PCBP3: variants seen among roughly 807,000 people sequenced by gnomAD.
PCBP3 encodes poly(rC)-binding protein 3.
A neutral mutation model predicts 52.7 loss-of-function variants in PCBP3; 25 were observed. That is an observed-to-expected ratio of 0.47 (90% confidence interval 0.35 to 0.66). The LOEUF is 0.66. Ranked by LOEUF, PCBP3 falls within the 30% of genes least tolerant of loss-of-function variation. PCBP3 has a pLI of 0.01. For missense variants in PCBP3, 391 were observed against 490.3 expected (o/e 0.80, Z 1.91); for synonymous variants, 162 against 183.0 (o/e 0.89, Z 0.93).
intron 5 of PCBP3, among the ~76,000 whole-genome samples, chr21:45,865,691 A>G (rs4819159): frequency 0.78 from 118,318 of 152,064 alleles, 46,595 homozygotes; most frequent in East Asian, 1. Flanking sequence ...ATGGTCTTCC[A>G]CAAGGCCCTG....
intron 4 of PCBP3, among the ~76,000 whole-genome samples, chr21:45,809,664 G>A (rs980418214): frequency 1.3e-5 from 2 of 152,352 alleles, no homozygotes; most frequent in Non-Finnish European, 2.9e-5. Flanking sequence ...GCTGCTAAGT[G>A]CGGCAGATGC....
chr21:45,917,641 C>T lies in PCBP3; in HGVS notation c.717+12C>T, dbSNP rs766269734. 1.9e-6 allele frequency: 3 copies of T among 1,605,620 alleles called. No individual in the cohort carries two copies. Among genetic ancestry groups the T allele is most frequent in the Non-Finnish European group, 2.6e-6 (3 of 1,172,288 alleles). ...TCCCTCACCCGGATGTGAGTCTTCA[C>T]TTTGTCTTCCTCTCACCTTTCTCTT... On this transcript the variant is annotated intron_variant, in intron 13 of 17. Coordinates refer to ENST00000681687, the MANE Select transcript of PCBP3 (RefSeq NM_001384156.1). The surrounding 1 kb of genome is among the most constrained non-coding windows in gnomAD (Gnocchi z 5.3).
At chr21:45,674,976 T>C (rs1005539794) in intron 2 of PCBP3, among the ~76,000 whole-genome samples, 1 of 152,280 alleles carries the variant, frequency 6.6e-6, no homozygotes, top group Non-Finnish European at 1.5e-5. Context: ...TTTCTCTTGC[T>C]CTGGATGCCA....
chr21:45,723,083 T>C (rs569154535), intron 2 of PCBP3, among the ~76,000 whole-genome samples: 3 of 152,280 alleles, frequency 2.0e-5, no homozygotes, highest in Admixed American at 2.0e-4. Flanking sequence ...TCTACTGCTA[T>C]CATTGTTTCT....
intron 4 of PCBP3, among the ~76,000 whole-genome samples, chr21:45,838,852 A>G (rs550562000): frequency 2.0e-5 from 3 of 152,292 alleles, no homozygotes; most frequent in East Asian, 1.9e-4. Context: ...TATAGCTTCA[A>G]CTGAAATTCC....
At chr21:45,907,226 G>A (rs145981979) in intron 9 of PCBP3, among the ~76,000 whole-genome samples, 332 of 152,346 alleles carry the variant, frequency 2.2e-3, no homozygotes, top group Non-Finnish European at 3.9e-3. Flanking sequence ...GGTGAGGGGC[G>A]CCTAGCTCTC....
chr21:45,908,053 G>GA (rs2096251815), intron 9 of PCBP3, among the ~76,000 whole-genome samples: 2 of 152,178 alleles, frequency 1.3e-5, no homozygotes, highest in Non-Finnish European at 1.5e-5. Flanking sequence ...CATTGGGCCT[G>GA]AAAAAATCTT....
At chr21:45,678,185 C>CA (rs1298037678) in intron 2 of PCBP3, among the ~76,000 whole-genome samples, 2 of 151,272 alleles carry the variant, frequency 1.3e-5, no homozygotes, top group Non-Finnish European at 2.9e-5. Context: ...ACTAAAAATA[C>CA]AAAAAAATTA....
intron 4 of PCBP3, among the ~76,000 whole-genome samples, chr21:45,815,705 GAGT>G (rs1390009799): frequency 5.4e-5 from 5 of 93,204 alleles, no homozygotes; most frequent in African/African-American, 1.0e-4. Context: ...AGTGAGTGGT[GAGT>G]AGTGAGTGAT....
chr21:45,797,995 G>A (rs946466382), intron 4 of PCBP3, among the ~76,000 whole-genome samples: 3 of 141,510 alleles, frequency 2.1e-5, no homozygotes, highest in African/African-American at 8.1e-5. Context: ...ATGAACGCAT[G>A]GATCTGTAGA....
rs1236476828 is a variant in PCBP3, at chr21:45,644,021, C to T, written c.-279+153C>T. Reference sequence around the variant, plus strand: ...GCGGGGGTCCCGGGCTGGGTCGCGCCGTCCCCGACCGCCGCCGGCGCCTGC... The same window carrying T: ...GCGGGGGTCCCGGGCTGGGTCGCGCTGTCCCCGACCGCCGCCGGCGCCTGC... On this transcript the variant is annotated intron_variant, in intron 1 of 17. Coordinates refer to ENST00000681687, the MANE Select transcript of PCBP3 (RefSeq NM_001384156.1). 4.0e-5 allele frequency among the ~76,000 whole-genome samples: 6 copies of T among 149,388 alleles called. No homozygotes were observed. The South Asian group carries it at 1.0e-3, about 26-fold the overall frequency.
rs1191620297 is a variant in PCBP3, at chr21:45,817,946, T to C, written c.-125-32015T>C. On this transcript the variant is annotated intron_variant, in intron 4 of 17. Transcript: ENST00000681687. This position sits in a 1 kb window ranked among gnomAD's most constrained non-coding sequence, Gnocchi z 4.3. ...GGAAAGTATAGAGCGTGCCACCTCCTCCCCTCATACAGAGCTTCTCCTGTT... is the reference window on the plus strand; with the variant it reads ...GGAAAGTATAGAGCGTGCCACCTCCCCCCCTCATACAGAGCTTCTCCTGTT... Among the ~76,000 whole-genome samples, 2 of 152,118 alleles carry C rather than the reference T, an allele frequency of 1.3e-5. No individual in the cohort carries two copies. Among genetic ancestry groups the C allele is most frequent in the Non-Finnish European group, 2.9e-5 (2 of 68,012 alleles).
Position 45,741,599 on chromosome 21 carries a change from G to A in PCBP3, c.-162+6170G>A, listed in dbSNP as rs1312295690. 6.6e-6 allele frequency among the ~76,000 whole-genome samples: 1 copy of A among 152,070 alleles called. No homozygotes were observed. The highest frequency in any genetic ancestry group is 1.5e-5 in the Non-Finnish European group (1 of 68,014). On this transcript the variant is annotated intron_variant, in intron 3 of 17. Coordinates refer to ENST00000681687, the MANE Select transcript of PCBP3 (RefSeq NM_001384156.1). The surrounding 1 kb of genome is among the most constrained non-coding windows in gnomAD (Gnocchi z 4.5). Reference sequence around the variant, plus strand: ...ATGTAGGGGGCAAGGGAGGGGTAGGGCCACTGCTTTTCATAAGCTTTATCG... The same window carrying A: ...ATGTAGGGGGCAAGGGAGGGGTAGGACCACTGCTTTTCATAAGCTTTATCG...
intron 13 of PCBP3, among the ~76,000 whole-genome samples, chr21:45,927,288 TCCC>T: frequency 1.3e-5 from 1 of 79,790 alleles, no homozygotes; most frequent in South Asian, 4.6e-4. Context: ...TCCCTCCCTC[TCCC>T]CCTCCTCCCT....
chr21:45,839,722 T>C (rs989362586), intron 4 of PCBP3, among the ~76,000 whole-genome samples: 15 of 152,296 alleles, frequency 9.8e-5, no homozygotes, highest in Middle Eastern at 3.4e-3. Context: ...TCTCTCACTT[T>C]GTTGCCCAGG....
At chr21:45,896,088 G>T in intron 5 of PCBP3, 120 bp from the exon 6 acceptor site, 6 of 886,778 alleles carry the variant, frequency 6.8e-6, no homozygotes, top group Non-Finnish European at 1.1e-5. Flanking sequence ...GCACATGGTG[G>T]GTGGGCAACC....
Position 45,656,142 on chromosome 21 carries a change from G to A in PCBP3, c.-279+12274G>A, listed in dbSNP as rs1436688819. The stretch of plus-strand genomic sequence containing the variant: ...ATTTGACCCAGCAATCCCATTACTG[G>A]GTATATACCCAAAGGATTATAAATC... On this transcript the variant is annotated intron_variant, in intron 1 of 17. Coordinates refer to ENST00000681687, the MANE Select transcript of PCBP3 (RefSeq NM_001384156.1). This position sits in a 1 kb window ranked among gnomAD's most constrained non-coding sequence, Gnocchi z 4.3. Among the ~76,000 whole-genome samples, 1 of 152,006 alleles carries A rather than the reference G, an allele frequency of 6.6e-6. No homozygotes were observed. Among genetic ancestry groups the A allele is most frequent in the African/African-American group, 2.4e-5 (1 of 41,384 alleles).
At chr21:45,687,511 C>T (rs2082222508) in intron 2 of PCBP3, among the ~76,000 whole-genome samples, 1 of 152,000 alleles carries the variant, frequency 6.6e-6, no homozygotes, top group Non-Finnish European at 1.5e-5. Context: ...AAATAAACAA[C>T]AAACAAGTAG....
At chr21:45,909,685 CCCACCCACTGCCCAGATACGGACCCGG>C (rs1458685870) in intron 10 of PCBP3, among the ~76,000 whole-genome samples, 199 bp downstream of exon 10, 33 of 151,540 alleles carry the variant, frequency 2.2e-4, no homozygotes, top group Admixed American at 5.3e-4. Context: ...AGGGACCCAG[CCCACCCACTGCCCAGATACGGACCCGG>C]CCACCCACTG....
Sources: allele counts gnomAD v4.1 joint callset (sites outside exome capture counted in the v4.1 genomes callset), GRCh38; gene constraint gnomAD v4.1.1; non-coding constraint Gnocchi (gnomAD v3.1); transcripts MANE v1.5; gene names NCBI Gene and HGNC (gene_info 2026-07-23, HGNC 2026-07-21).